The following CDH12 variants were observed in gnomAD, a reference collection of about 807,000 sequenced individuals.
The protein encoded by CDH12 is cadherin-12.
Under a neutral mutation model 74.1 loss-of-function variants are expected in CDH12, and 41 were observed. The ratio of observed to expected loss-of-function variants is 0.55; its 90% CI spans 0.43 to 0.72. The LOEUF (loss-of-function observed/expected upper bound fraction) is 0.72, where lower values mean the gene tolerates loss of function less well. CDH12 is among the 30% of genes least tolerant of loss of function. The probability of loss-of-function intolerance (pLI) is 0.00; values close to 1 mark genes in which losing one functional copy is unlikely to be tolerated. For synonymous variants in CDH12, 399 were observed against 355.0 expected (o/e 1.12, Z -1.39); for missense variants, 945 against 977.2 (o/e 0.97, Z 0.44).
At chr5:22,514,033 T>C (rs1736713688) in intron 1 of CDH12, among the ~76,000 whole-genome samples, 1 of 150,932 alleles carries the variant, frequency 6.6e-6, no homozygotes, top group East Asian at 1.9e-4. Context: ...GTAATATAAG[T>C]ATAATACAAT....
chr5:22,644,894 A>G (rs752265266), intron 1 of CDH12, among the ~76,000 whole-genome samples: 1 of 152,062 alleles, frequency 6.6e-6, no homozygotes, highest in Admixed American at 6.6e-5. Context: ...TCTGTGCTCT[A>G]TAAATGGAAC....
Position 22,079,468 on chromosome 5 carries a change from G to C in CDH12, c.-186-606C>G, listed in dbSNP as rs1742567949. On this transcript the variant is annotated intron_variant, in intron 4 of 14. Transcript: ENST00000382254. ...AGTTCCTGAAGTTAGAGAATAGAAA[G>C]ATACAGACGATCTAAAGAACAAGAT... Among the ~76,000 whole-genome samples the C allele has an allele frequency of 2.0e-5, 3 of 151,970 alleles. No homozygotes were observed. In the South Asian group the frequency reaches 6.2e-4, roughly 32 times the overall value.
intron 2 of CDH12, among the ~76,000 whole-genome samples, chr5:22,430,575 C>T (rs909743793): frequency 5.3e-5 from 8 of 152,112 alleles, no homozygotes; most frequent in African/African-American, 1.9e-4. Flanking sequence ...CTGAGTGCTG[C>T]AGTTATTGAA....
intron 6 of CDH12, among the ~76,000 whole-genome samples, chr5:21,876,391 T>A (rs1424855227): frequency 6.6e-6 from 1 of 152,202 alleles, no homozygotes; most frequent in Non-Finnish European, 1.5e-5. Flanking sequence ...CTCTACAATC[T>A]TGTTCATATT....
chr5:21,814,152 T>A (rs755372195), intron 9 of CDH12, among the ~76,000 whole-genome samples: 2 of 28,902 alleles, frequency 6.9e-5, no homozygotes, highest in Non-Finnish European at 1.5e-4. Context: ...AGTGTGTGTG[T>A]GTGTGTGTGT....
chr5:21,782,218 C>T (rs1196302757), intron 11 of CDH12, among the ~76,000 whole-genome samples: 1 of 152,170 alleles, frequency 6.6e-6, no homozygotes, highest in Admixed American at 6.5e-5. Flanking sequence ...ATGGCAGCCT[C>T]TGGGTAGTCA....
chr5:22,815,361 T>C (rs748617043), intron 1 of CDH12, among the ~76,000 whole-genome samples: 1 of 152,212 alleles, frequency 6.6e-6, no homozygotes, highest in Non-Finnish European at 1.5e-5. Flanking sequence ...ACATTACTTA[T>C]GAAATCTCTC....
chr5:22,062,061 A>AAAAAG (rs1741225889), intron 5 of CDH12, among the ~76,000 whole-genome samples: 2 of 152,154 alleles, frequency 1.3e-5, no homozygotes, highest in South Asian at 4.1e-4. Flanking sequence ...AGAAGGAAGA[A>AAAAAG]AAAAGAAAAT....
intron 3 of CDH12, among the ~76,000 whole-genome samples, chr5:22,290,476 G>A (rs1277003799): frequency 6.6e-6 from 1 of 152,168 alleles, no homozygotes; most frequent in African/African-American, 2.4e-5. Flanking sequence ...TCAAAGAGAT[G>A]TCCTGAAGTG....
chr5:22,744,317 T>C (rs1320942281), intron 1 of CDH12, among the ~76,000 whole-genome samples: 1 of 151,926 alleles, frequency 6.6e-6, no homozygotes, highest in African/African-American at 2.4e-5. Context: ...TAGTCCCAGC[T>C]ACTCGGGAGG....
At chr5:22,491,201 T>C (rs1746848589) in intron 2 of CDH12, among the ~76,000 whole-genome samples, 1 of 152,154 alleles carries the variant, frequency 6.6e-6, no homozygotes, top group South Asian at 2.1e-4. Flanking sequence ...TTTGTGCCCA[T>C]GTGTACCCGA....
intron 1 of CDH12, among the ~76,000 whole-genome samples, chr5:22,541,362 A>T (rs2126719398): frequency 6.6e-6 from 1 of 152,322 alleles, no homozygotes; most frequent in East Asian, 1.9e-4. Flanking sequence ...TGTTCATCAA[A>T]ATGATGCATA....
chr5:21,883,884 G>C, intron 6 of CDH12: 2 of 1,606,272 alleles, frequency 1.2e-6, no homozygotes, highest in Non-Finnish European at 1.7e-6. Context: ...AAGAGCTGCT[G>C]TTGAAGGAGG....
chr5:21,819,799 A>T (rs573017213), intron 8 of CDH12, among the ~76,000 whole-genome samples: 13 of 152,008 alleles, frequency 8.6e-5, no homozygotes, highest in African/African-American at 2.9e-4. Flanking sequence ...TAAGGGTGAA[A>T]CAGTGAGAGT....
intron 1 of CDH12, among the ~76,000 whole-genome samples, chr5:22,787,009 A>G (rs1747667388): frequency 6.6e-6 from 1 of 151,838 alleles, no homozygotes; most frequent in Admixed American, 6.6e-5. Context: ...TGATTAATTA[A>G]TTTATTAATT....
intron 2 of CDH12, among the ~76,000 whole-genome samples, chr5:22,422,819 T>C (rs1019683196): frequency 6.6e-6 from 1 of 152,190 alleles, no homozygotes; most frequent in African/African-American, 2.4e-5. Context: ...GGTTGTCAGT[T>C]ATCCATTTGA....
At chr5:22,613,557 T>C (rs1169647240) in intron 1 of CDH12, among the ~76,000 whole-genome samples, 1 of 152,090 alleles carries the variant, frequency 6.6e-6, no homozygotes, top group Non-Finnish European at 1.5e-5. Context: ...TTAACCTATA[T>C]ATTTGAAAAT....
intron 4 of CDH12, among the ~76,000 whole-genome samples, chr5:22,132,320 C>G (rs6452059): frequency 0.94 from 142,656 of 151,838 alleles, 67,038 homozygotes; most frequent in East Asian, 1. Context: ...CAGAGAGTTT[C>G]GAATAGACCT....
intron 6 of CDH12, among the ~76,000 whole-genome samples, chr5:21,933,413 G>A (rs1334974951): frequency 6.6e-6 from 1 of 152,094 alleles, no homozygotes; most frequent in East Asian, 1.9e-4. Flanking sequence ...ATATTTTTTA[G>A]TATTCCAAAA....
Sources: allele counts gnomAD v4.1 joint callset (sites outside exome capture counted in the v4.1 genomes callset), GRCh38; gene constraint gnomAD v4.1.1; transcripts MANE v1.5; gene names NCBI Gene and HGNC (gene_info 2026-07-23, HGNC 2026-07-21).